BMPER: variants seen among roughly 807,000 people sequenced by gnomAD.
The protein encoded by BMPER is BMP-binding endothelial regulator protein.
Under a neutral mutation model 87.3 loss-of-function variants are expected in BMPER, and 45 were observed. That is an observed-to-expected ratio of 0.52 (90% CI 0.41 to 0.66). The LOEUF (loss-of-function observed/expected upper bound fraction) is 0.66. Ranked by LOEUF, BMPER falls within the 30% of genes least tolerant of loss-of-function variation. The pLI is 0.00. For missense variants in BMPER, 784 were observed against 867.5 expected, an observed-to-expected ratio of 0.90 and a Z score of 1.21; for synonymous variants, 326 against 316.2, an observed-to-expected ratio of 1.03 and a Z score of -0.33.
intron 10 of BMPER, among the ~76,000 whole-genome samples, chr7:34,060,130 A>G (rs1038079635): frequency 6.6e-6 from 1 of 152,088 alleles, no homozygotes; most frequent in African/African-American, 2.4e-5. Flanking sequence ...TCTTACGGCT[A>G]ATTGCATATT....
chr7:34,085,056 G>A (rs184572622), intron 12 of BMPER, among the ~76,000 whole-genome samples: 1 of 152,282 alleles, frequency 6.6e-6, no homozygotes, highest in East Asian at 1.9e-4. Flanking sequence ...TGAAGCTTTT[G>A]AGCAAACCCA....
chr7:34,070,492 A>G (rs1585799463), intron 11 of BMPER, among the ~76,000 whole-genome samples: 1 of 152,116 alleles, frequency 6.6e-6, no homozygotes, highest in South Asian at 2.1e-4. Flanking sequence ...TATTGCTTGC[A>G]TGTAATCTCC....
chr7:34,109,473 T>A (rs59507160), intron 13 of BMPER, among the ~76,000 whole-genome samples: 2 of 152,162 alleles, frequency 1.3e-5, no homozygotes, highest in South Asian at 4.1e-4. Flanking sequence ...CCCAGTCAAG[T>A]TGACATGTAA....
At chr7:34,076,287 C>T (rs959879144) in intron 11 of BMPER, among the ~76,000 whole-genome samples, 4 of 152,138 alleles carry the variant, frequency 2.6e-5, no homozygotes, top group Admixed American at 2.6e-4. Flanking sequence ...CAAGTGCCCA[C>T]AGTTTGACTC....
At chr7:33,966,915 G>A (rs1286466133) in intron 4 of BMPER, among the ~76,000 whole-genome samples, 2 of 152,202 alleles carry the variant, frequency 1.3e-5, no homozygotes, top group East Asian at 1.9e-4. Flanking sequence ...AGCGGGTATT[G>A]TTAAAGGATG....
chr7:34,087,653 C>A (rs1789253455), intron 13 of BMPER, among the ~76,000 whole-genome samples: 2 of 152,228 alleles, frequency 1.3e-5, no homozygotes, highest in Non-Finnish European at 2.9e-5. Flanking sequence ...GCCATCATTT[C>A]TTCCGTGATT....
intron 6 of BMPER, among the ~76,000 whole-genome samples, chr7:34,026,948 T>G (rs1450964644): frequency 6.6e-6 from 1 of 152,104 alleles, no homozygotes; most frequent in Non-Finnish European, 1.5e-5. Context: ...ATTGACTTCC[T>G]CTTCCTTGCT....
chr7:33,935,265 C>G (rs1308937481), intron 2 of BMPER, among the ~76,000 whole-genome samples: 2 of 152,118 alleles, frequency 1.3e-5, no homozygotes, highest in Non-Finnish European at 2.9e-5. Flanking sequence ...CTGCTGTTCA[C>G]AAAGGGACTG....
chr7:33,942,774 C>G (rs572646509), intron 3 of BMPER, among the ~76,000 whole-genome samples: 1 of 152,312 alleles, frequency 6.6e-6, no homozygotes, highest in African/African-American at 2.4e-5. Flanking sequence ...GCCATGTTTT[C>G]TCTCTGACCC....
At chr7:33,966,330 T>G (rs1785405355) in intron 3 of BMPER, 149 bp from the exon 4 acceptor site, 1 of 686,804 alleles carries the variant, frequency 1.5e-6, no homozygotes, top group Non-Finnish European at 2.7e-6. Context: ...AAGGCTTAGT[T>G]GTGTTTTGGG....
chr7:34,115,020 A>C (rs1260470734), intron 13 of BMPER, among the ~76,000 whole-genome samples: 3 of 152,250 alleles, frequency 2.0e-5, no homozygotes, highest in Non-Finnish European at 2.9e-5. Flanking sequence ...AAGTAATAAA[A>C]TAATTCTTAA....
chr7:34,088,381 C>T (rs1215854461), intron 13 of BMPER, among the ~76,000 whole-genome samples: 1 of 152,188 alleles, frequency 6.6e-6, no homozygotes, highest in Non-Finnish European at 1.5e-5. Context: ...CCAGTGTTGG[C>T]CAGATCCTGT....
chr7:34,073,079 A>G (rs1376101046), intron 11 of BMPER, among the ~76,000 whole-genome samples: 3 of 152,224 alleles, frequency 2.0e-5, no homozygotes, highest in African/African-American at 7.2e-5. Context: ...TAGTAAGTTC[A>G]GTGTGGGCAA....
intron 13 of BMPER, among the ~76,000 whole-genome samples, chr7:34,104,186 G>A (rs754695847): frequency 4.6e-5 from 7 of 152,140 alleles, no homozygotes; most frequent in South Asian, 2.1e-4. Context: ...TTTCTCCAGC[G>A]AAAATTGATG....
At chr7:33,956,552 C>G (rs191841760) in intron 3 of BMPER, among the ~76,000 whole-genome samples, 1 of 152,128 alleles carries the variant, frequency 6.6e-6, no homozygotes, top group East Asian at 1.9e-4. Flanking sequence ...CCCTGCCTCT[C>G]CTGTCTCCCC....
intron 3 of BMPER, among the ~76,000 whole-genome samples, chr7:33,963,294 G>C (rs1785316529): frequency 6.6e-6 from 1 of 152,140 alleles, no homozygotes; most frequent in East Asian, 1.9e-4. Flanking sequence ...GTCCCAGAAT[G>C]TGGTCCATGG....
chr7:34,046,181 C>A, intron 6 of BMPER, 125 bp from the exon 7 acceptor site: 2 of 883,952 alleles, frequency 2.3e-6, no homozygotes, highest in Non-Finnish European at 3.7e-6. Flanking sequence ...ATCACATGGG[C>A]CTGAGCAGTC....
intron 6 of BMPER, among the ~76,000 whole-genome samples, chr7:34,024,380 AAACAATATATATAT>A (rs1562695130): frequency 2.6e-4 from 19 of 72,822 alleles, no homozygotes; most frequent in African/African-American, 1.3e-3. Context: ...AAAAAAAAAA[AAACAATATATATAT>A]ATATATATAT....
intron 6 of BMPER, among the ~76,000 whole-genome samples, chr7:33,982,420 T>C (rs371491749): frequency 1.3e-5 from 2 of 151,890 alleles, no homozygotes; most frequent in African/African-American, 4.8e-5. Flanking sequence ...TTTTCAAAAC[T>C]AGTCTGAAAT....
Sources: allele counts gnomAD v4.1 joint callset (sites outside exome capture counted in the v4.1 genomes callset), GRCh38; gene constraint gnomAD v4.1.1; transcripts MANE v1.5; gene names NCBI Gene and HGNC (gene_info 2026-07-23, HGNC 2026-07-21).